RALGDS: variants seen among roughly 807,000 people sequenced by gnomAD.
RALGDS encodes ral guanine nucleotide dissociation stimulator.
A neutral mutation model predicts 99.8 loss-of-function variants in RALGDS; 44 were observed. That is an observed-to-expected ratio of 0.44 (90% confidence interval 0.35 to 0.57). The LOEUF is 0.57. Ranked by LOEUF, RALGDS falls within the 20% of genes least tolerant of loss-of-function variation. The pLI is 0.01. For missense variants in RALGDS, 1,022 were observed against 1,203.1 expected (o/e 0.85, Z 2.23); for synonymous variants, 529 against 505.0 (o/e 1.05, Z -0.64).
intron 5 of RALGDS, 51 bp from the exon 6 acceptor site, chr9:133,108,457 C>G: frequency 6.7e-7 from 1 of 1,501,890 alleles, no homozygotes; most frequent in Non-Finnish European, 9.0e-7. Context: ...TGTGCCTTTC[C>G]AAAGACACAG....
At chr9:133,133,716 A>AC (rs1378274328), upstream of RALGDS, among the ~76,000 whole-genome samples, 1 of 152,222 alleles carries the variant, frequency 6.6e-6, no homozygotes, top group Non-Finnish European at 1.5e-5. Context: ...TTCTCCCAGG[A>AC]CACACGACCT....
upstream of RALGDS, among the ~76,000 whole-genome samples, chr9:133,131,915 T>C (rs1212704667): frequency 2.0e-5 from 3 of 152,214 alleles, no homozygotes; most frequent in Non-Finnish European, 4.4e-5. Flanking sequence ...CTCATGGCCG[T>C]GCTTGGCGGA....
At chr9:133,119,097 G>A (rs1309738937) in intron 1 of RALGDS, among the ~76,000 whole-genome samples, 2 of 152,228 alleles carry the variant, frequency 1.3e-5, no homozygotes, top group Non-Finnish European at 2.9e-5. Flanking sequence ...ATAAGCGGAA[G>A]CCCAGATGTG....
intron 17 of RALGDS, 31 bp from the exon 18 acceptor site, chr9:133,098,793 G>A (rs1830610696): frequency 6.2e-7 from 1 of 1,610,796 alleles, no homozygotes; most frequent in Admixed American, 1.7e-5. Flanking sequence ...GGTGATCAGG[G>A]ATGCTCCTGG....
chr9:133,120,087 G>T (rs981286892), intron 1 of RALGDS, among the ~76,000 whole-genome samples: 2 of 152,108 alleles, frequency 1.3e-5, no homozygotes, highest in Non-Finnish European at 2.9e-5. Flanking sequence ...CAGGCCCTGT[G>T]CCCAGGCAGA....
chr9:133,108,580 G>A (rs1304772956), intron 5 of RALGDS, 93 bp downstream of exon 5: 2 of 1,512,944 alleles, frequency 1.3e-6, no homozygotes, highest in Non-Finnish European at 1.8e-6. Context: ...CTGGGCCCCT[G>A]ACCCAGCACC....
intron 1 of RALGDS, chr9:133,129,290 G>A: frequency 1.9e-6 from 3 of 1,592,412 alleles, no homozygotes; most frequent in East Asian, 2.2e-5. Context: ...GGCAGGCCTG[G>A]CACAAACCTG....
chr9:133,120,643 C>A (rs886973821), intron 1 of RALGDS, among the ~76,000 whole-genome samples: 2 of 152,202 alleles, frequency 1.3e-5, no homozygotes, highest in Non-Finnish European at 2.9e-5. Context: ...AAGGCACAGG[C>A]CACCGATGTA....
chr9:133,132,743 G>C (rs796222688), upstream of RALGDS, among the ~76,000 whole-genome samples: 96 of 152,212 alleles, frequency 6.3e-4, no homozygotes, highest in African/African-American at 2.1e-3. Context: ...GGGTTCAAGC[G>C]AGTCTCCTGT....
At position 133,098,648 on chromosome 9, in the gene RALGDS, G is replaced by A. The variant is rs1252512023; in HGVS notation, c.2684C>T (p.Ala895Val). The A allele has an allele frequency of 2.5e-6, 4 of 1,614,158 alleles. No homozygotes were observed. The highest frequency in any genetic ancestry group is 2.5e-6 in the Non-Finnish European group (3 of 1,180,012). ...FTKGVKVKHG[A>V]SSTLPRMKQK... ...CTTCATGCGAGGGAGGGTGGAGCTG[G>A]CTCCGTGCTTGACCTTCACTCCCTT... is the stretch of plus-strand genomic sequence containing the variant. Residue 895 changes from alanine (A) to valine (V), a missense_variant, in exon 18 of 18, where the codon GCC (alanine) becomes GTC (valine). Physicochemically the swap from Ala to Val is moderately conservative, Grantham distance 64. Transcript: ENST00000372050.
At chr9:133,117,910 G>T (rs1165914495) in intron 1 of RALGDS, among the ~76,000 whole-genome samples, 1 of 152,220 alleles carries the variant, frequency 6.6e-6, no homozygotes, top group Non-Finnish European at 1.5e-5. Flanking sequence ...TTTCTCATTG[G>T]CAACGCAGAC....
upstream of RALGDS, among the ~76,000 whole-genome samples, chr9:133,132,059 G>C (rs1336506528): frequency 6.6e-6 from 1 of 152,216 alleles, no homozygotes; most frequent in East Asian, 1.9e-4. Context: ...GAGTGCCATA[G>C]CCTGACTCCA....
exon 1 of RALGDS, chr9:133,148,981 C>T: frequency 6.3e-7 from 1 of 1,594,186 alleles, no homozygotes; most frequent in South Asian, 1.1e-5. Flanking sequence ...CTACCATCAT[C>T]CTCAGCCTCG....
chr9:133,120,421 T>TCCCCCCCCCCCC (rs1564244935), intron 1 of RALGDS, among the ~76,000 whole-genome samples: 1 of 64,716 alleles, frequency 1.5e-5, no homozygotes, highest in African/African-American at 5.7e-5. Context: ...CTCCACCCCA[T>TCCCCCCCCCCCC]CCCCCGACCC....
intron 1 of RALGDS, among the ~76,000 whole-genome samples, chr9:133,116,132 TCG>T (rs1564242340): frequency 1.3e-5 from 2 of 151,228 alleles, no homozygotes; most frequent in Admixed American, 6.6e-5. Context: ...CGCAAGGGCC[TCG>T]TGTCCGTGTC....
chr9:133,112,704 C>T (rs1349413015), intron 1 of RALGDS, among the ~76,000 whole-genome samples: 1 of 152,200 alleles, frequency 6.6e-6, no homozygotes, highest in Non-Finnish European at 1.5e-5. Flanking sequence ...GCTGACCTAG[C>T]AGGAACGCAC....
chr9:133,110,016 C>T (rs1414475886), intron 3 of RALGDS, among the ~76,000 whole-genome samples: 2 of 152,164 alleles, frequency 1.3e-5, no homozygotes, highest in Non-Finnish European at 2.9e-5. Context: ...AGGCTTGGGG[C>T]AGAGAGCTTC....
chr9:133,103,915 G>C (rs1175228282), intron 10 of RALGDS, 82 bp from the exon 11 acceptor site: 1 of 1,376,742 alleles, frequency 7.3e-7, no homozygotes, highest in African/African-American at 1.4e-5. Context: ...GTCTCACTTG[G>C]AACAGCTGGG....
At chr9:133,122,772 T>A (rs1242041011), upstream of RALGDS, among the ~76,000 whole-genome samples, 1 of 151,968 alleles carries the variant, frequency 6.6e-6, no homozygotes, top group Non-Finnish European at 1.5e-5. Flanking sequence ...TGGTGTGATC[T>A]CGGCTCACTA....
Sources: allele counts gnomAD v4.1 joint callset (sites outside exome capture counted in the v4.1 genomes callset), GRCh38; gene constraint gnomAD v4.1.1; transcripts MANE v1.5; gene names NCBI Gene and HGNC (gene_info 2026-07-23, HGNC 2026-07-21).